The following FHIT variants were observed in gnomAD, a reference collection of about 807,000 sequenced individuals.
The protein encoded by FHIT is bis(5'-adenosyl)-triphosphatase.
In FHIT, 19 loss-of-function variants were observed where a neutral mutation model predicts 17.9. The ratio of observed to expected loss-of-function variants is 1.06; its 90% CI spans 0.74 to 1.56. The LOEUF is 1.56. Ranked by LOEUF, FHIT falls within the 40% of genes most tolerant of loss-of-function variation. The pLI, the probability that FHIT is intolerant of heterozygous loss-of-function variation, is 0.00. For synonymous variants in FHIT, 81 were observed against 69.7 expected (o/e 1.16, Z -0.81); for missense variants, 248 against 189.2 (o/e 1.31, Z -1.82).
At chr3:60,688,373 C>G (rs1287742749) in intron 4 of FHIT, among the ~76,000 whole-genome samples, 1 of 151,706 alleles carries the variant, frequency 6.6e-6, no homozygotes, top group African/African-American at 2.4e-5. Flanking sequence ...ATATACTATC[C>G]CCTTGCTGAA....
chr3:60,044,816 T>A (rs1701583337), intron 5 of FHIT, among the ~76,000 whole-genome samples: 1 of 152,006 alleles, frequency 6.6e-6, no homozygotes, highest in South Asian at 2.1e-4. Context: ...ATTGTTGAAA[T>A]TAAGGCAGTG....
intron 9 of FHIT, chr3:59,750,149 CAG>C: frequency 4.4e-6 from 1 of 226,848 alleles, no homozygotes; most frequent in South Asian, 1.8e-4. Flanking sequence ...CCAGGCAAGA[CAG>C]AAGCAAAAAC....
At chr3:61,011,121 T>C (rs1475876037) in intron 3 of FHIT, among the ~76,000 whole-genome samples, 4 of 152,216 alleles carry the variant, frequency 2.6e-5, no homozygotes, top group African/African-American at 9.6e-5. Context: ...TGCACTGACT[T>C]ACTTATTCAT....
At chr3:60,170,732 C>A (rs548589465) in intron 5 of FHIT, among the ~76,000 whole-genome samples, 4 of 152,248 alleles carry the variant, frequency 2.6e-5, no homozygotes, top group Admixed American at 2.6e-4. Context: ...ATAACATTCT[C>A]CCATATCTAT....
At chr3:60,589,062 C>G (rs541631736) in intron 4 of FHIT, among the ~76,000 whole-genome samples, 5 of 152,036 alleles carry the variant, frequency 3.3e-5, no homozygotes, top group African/African-American at 1.2e-4. Context: ...GTGACTCACC[C>G]GTTGGAGTCA....
intron 4 of FHIT, among the ~76,000 whole-genome samples, chr3:60,624,729 G>T (rs2039233103): frequency 6.6e-6 from 1 of 152,130 alleles, no homozygotes; most frequent in East Asian, 1.9e-4. Context: ...TCCATATGTG[G>T]TCTTTTCTGA....
chr3:60,470,490 T>C (rs2033033177), intron 5 of FHIT, among the ~76,000 whole-genome samples: 1 of 151,890 alleles, frequency 6.6e-6, no homozygotes, highest in African/African-American at 2.4e-5. Flanking sequence ...TGACCACCAC[T>C]GCTCCGGGCA....
chr3:60,507,000 A>G (rs1559499950), intron 5 of FHIT, among the ~76,000 whole-genome samples: 1 of 152,198 alleles, frequency 6.6e-6, no homozygotes, highest in Non-Finnish European at 1.5e-5. Flanking sequence ...AAAAAAAAGC[A>G]TATACTGCCC....
chr3:60,684,846 T>C (rs1553697959), intron 4 of FHIT, among the ~76,000 whole-genome samples: 1 of 151,976 alleles, frequency 6.6e-6, no homozygotes, highest in Non-Finnish European at 1.5e-5. Context: ...ATTGAAGGAG[T>C]TCAGAACACA....
intron 5 of FHIT, 79 bp downstream of exon 5, chr3:60,536,781 T>C: frequency 6.9e-7 from 1 of 1,453,544 alleles, no homozygotes; most frequent in Non-Finnish European, 9.2e-7. Context: ...TGGAGGCCAA[T>C]CTTGTATTTA....
chr3:60,434,732 T>C (rs2030057285), intron 5 of FHIT, among the ~76,000 whole-genome samples: 1 of 152,124 alleles, frequency 6.6e-6, no homozygotes, highest in Non-Finnish European at 1.5e-5. Context: ...ATAATTTCTC[T>C]TCAATTTCCT....
Position 61,108,371 on chromosome 3 carries a change from T to G in FHIT, c.-163-66272A>C, listed in dbSNP as rs139966718. On this transcript the variant is annotated intron_variant, in intron 2 of 9. Coordinates refer to ENST00000492590, the MANE Select transcript of FHIT (RefSeq NM_002012.4). ...CATTCAACATTCACTCAACACTTAC[T>G]TCCTAGAGCCACTGTTTGGGCACTG... is the stretch of plus-strand genomic sequence containing the variant. 2.5e-3 allele frequency among the ~76,000 whole-genome samples: 374 copies of G among 152,344 alleles called. 3 individuals are homozygous for G. Among genetic ancestry groups the G allele is most frequent in the Middle Eastern group, 3.4e-3 (1 of 294 alleles).
intron 5 of FHIT, among the ~76,000 whole-genome samples, chr3:60,420,210 T>C (rs537110090): frequency 1.3e-5 from 2 of 152,316 alleles, no homozygotes; most frequent in East Asian, 3.9e-4. Context: ...TTTGCATATT[T>C]CCTGTAACTT....
intron 5 of FHIT, among the ~76,000 whole-genome samples, chr3:60,240,158 G>T (rs1325570702): frequency 1.3e-5 from 2 of 152,154 alleles, no homozygotes; most frequent in Non-Finnish European, 2.9e-5. Context: ...CAGCAGGACA[G>T]AGACAGCTAC....
intron 5 of FHIT, among the ~76,000 whole-genome samples, chr3:60,224,131 T>TA (rs1158802992): frequency 1.3e-5 from 2 of 152,062 alleles, no homozygotes; most frequent in Non-Finnish European, 2.9e-5. Flanking sequence ...ATTTATTTCG[T>TA]AAAAAACAAA....
intron 3 of FHIT, among the ~76,000 whole-genome samples, chr3:60,867,097 C>A (rs925028813): frequency 2.2e-4 from 33 of 152,250 alleles, no homozygotes; most frequent in African/African-American, 7.9e-4. Context: ...TGTGAGGACT[C>A]TTAGTTAATT....
At chr3:60,607,527 T>A (rs1386941101) in intron 4 of FHIT, among the ~76,000 whole-genome samples, 2 of 151,936 alleles carry the variant, frequency 1.3e-5, no homozygotes, top group East Asian at 1.9e-4. Context: ...CTCATCAGGG[T>A]GAGACAGATT....
intron 4 of FHIT, among the ~76,000 whole-genome samples, chr3:60,772,339 T>C (rs1451571178): frequency 1.7e-3 from 88 of 53,084 alleles, no homozygotes; most frequent in African/African-American, 5.6e-3. Flanking sequence ...TATATATATA[T>C]ATATATATAT....
chr3:59,766,702 C>T (rs1020798485), intron 8 of FHIT, among the ~76,000 whole-genome samples: 2 of 152,174 alleles, frequency 1.3e-5, no homozygotes, highest in Non-Finnish European at 2.9e-5. Context: ...GATTCCCACA[C>T]CAAGAAGGCT....
Sources: allele counts gnomAD v4.1 joint callset (sites outside exome capture counted in the v4.1 genomes callset), GRCh38; gene constraint gnomAD v4.1.1; transcripts MANE v1.5; gene names NCBI Gene and HGNC (gene_info 2026-07-23, HGNC 2026-07-21).